The following EPHA6 variants were observed in gnomAD, a reference collection of about 807,000 sequenced individuals.
EPHA6 encodes ephrin type-A receptor 6.
In EPHA6, 50 loss-of-function variants were observed where a neutral mutation model predicts 112.0. The ratio of observed to expected loss-of-function variants is 0.45; its 90% CI spans 0.36 to 0.56. The LOEUF (loss-of-function observed/expected upper bound fraction) is 0.56, where lower values mean the gene tolerates loss of function less well. Among genes scored for constraint, EPHA6 ranks in the 20% least tolerant of loss-of-function variants. The pLI is 0.00. For missense variants in EPHA6, 1,280 were observed against 1,417.4 expected (o/e 0.90, Z 1.56); for synonymous variants, 529 against 490.7 (o/e 1.08, Z -1.03).
chr3:97,269,913 G>A (rs2079824972), intron 5 of EPHA6, among the ~76,000 whole-genome samples: 1 of 152,110 alleles, frequency 6.6e-6, no homozygotes, highest in African/African-American at 2.4e-5. Flanking sequence ...TAAACTGTGG[G>A]TGTTAATTCA....
At chr3:97,083,185 C>T (rs1474533619) in intron 3 of EPHA6, among the ~76,000 whole-genome samples, 1 of 151,912 alleles carries the variant, frequency 6.6e-6, no homozygotes, top group Non-Finnish European at 1.5e-5. Context: ...ATTCACTTTT[C>T]CTGCCCCTGC....
At chr3:97,602,876 G>C (rs1434103919) in intron 12 of EPHA6, among the ~76,000 whole-genome samples, 1 of 151,814 alleles carries the variant, frequency 6.6e-6, no homozygotes, top group East Asian at 1.9e-4. Context: ...TTTGAACTTC[G>C]ACATTATATA....
intron 3 of EPHA6, among the ~76,000 whole-genome samples, chr3:96,996,596 G>A (rs894631296): frequency 2.6e-5 from 4 of 152,064 alleles, no homozygotes; most frequent in African/African-American, 9.7e-5. Flanking sequence ...GAGCTTTTAG[G>A]TGACCAGGTG....
At chr3:97,292,741 C>T in intron 5 of EPHA6, among the ~76,000 whole-genome samples, 1 of 151,752 alleles carries the variant, frequency 6.6e-6, no homozygotes, top group South Asian at 2.1e-4. Context: ...GGCAGGTCAT[C>T]TGGGTGAGCA....
intron 14 of EPHA6, among the ~76,000 whole-genome samples, chr3:97,675,976 G>A (rs1220179845): frequency 6.6e-6 from 1 of 152,112 alleles, no homozygotes; most frequent in Non-Finnish European, 1.5e-5. Flanking sequence ...AAATTCCAAG[G>A]CTTCCTGGGC....
chr3:97,332,113 C>A (rs983652114), intron 5 of EPHA6, among the ~76,000 whole-genome samples: 2 of 152,142 alleles, frequency 1.3e-5, no homozygotes, highest in African/African-American at 2.4e-5. Context: ...ATACACAAAT[C>A]AATAAACGTA....
At chr3:96,867,826 T>C (rs1312206272) in intron 2 of EPHA6, among the ~76,000 whole-genome samples, 1 of 151,930 alleles carries the variant, frequency 6.6e-6, no homozygotes, top group Non-Finnish European at 1.5e-5. Context: ...ATTTGACATT[T>C]TACAACAACA....
chr3:97,709,965 C>A (rs1259321903), intron 14 of EPHA6, among the ~76,000 whole-genome samples: 4 of 152,152 alleles, frequency 2.6e-5, no homozygotes, highest in Non-Finnish European at 4.4e-5. Flanking sequence ...TTATAAATTA[C>A]CCAGTCTGAA....
At chr3:97,155,654 C>T (rs993008369) in intron 3 of EPHA6, among the ~76,000 whole-genome samples, 1 of 152,112 alleles carries the variant, frequency 6.6e-6, no homozygotes, top group Non-Finnish European at 1.5e-5. Flanking sequence ...TGGGGAGAAT[C>T]TGCTTCCAAG....
At chr3:97,595,594 G>C (rs1050724115) in intron 12 of EPHA6, among the ~76,000 whole-genome samples, 1 of 151,906 alleles carries the variant, frequency 6.6e-6, no homozygotes. Flanking sequence ...GCAGTGAGCC[G>C]AGATGGTGCC....
intron 6 of EPHA6, among the ~76,000 whole-genome samples, chr3:97,412,173 T>C (rs1040699229): frequency 3.9e-5 from 6 of 152,088 alleles, no homozygotes; most frequent in African/African-American, 1.4e-4. Context: ...TATGTTCTGG[T>C]TACAAGAAAA....
chr3:97,143,462 T>G (rs75608204), intron 3 of EPHA6, among the ~76,000 whole-genome samples: 7,694 of 151,894 alleles, frequency 0.051, 670 homozygotes, highest in African/African-American at 0.18. Context: ...TGGTTATAGA[T>G]TGTACCATAT....
chr3:97,329,756 A>G lies in EPHA6; in HGVS notation c.1607-75394A>G, dbSNP rs576775185. On this transcript the variant is annotated intron_variant, in intron 5 of 17. Transcript: ENST00000389672. ...GGGTAGATTGCAAAAATTTTCTCCC[A>G]TTCTGTAGGTTGCCTGTTCACTCTG... 3.0e-4 allele frequency among the ~76,000 whole-genome samples: 45 copies of G among 152,124 alleles called. No homozygotes were observed. In the South Asian group the frequency reaches 9.4e-3, roughly 32 times the overall value.
chr3:97,623,051 G>A (rs531188868), intron 13 of EPHA6, among the ~76,000 whole-genome samples: 46 of 151,662 alleles, frequency 3.0e-4, no homozygotes, highest in South Asian at 2.3e-3. Flanking sequence ...CATTCTGTGC[G>A]TTGCCTTTCT....
At chr3:97,676,869 TGAA>T (rs2031437051) in intron 14 of EPHA6, among the ~76,000 whole-genome samples, 1 of 152,112 alleles carries the variant, frequency 6.6e-6, no homozygotes, top group African/African-American at 2.4e-5. Context: ...AAATCGAGGA[TGAA>T]GAAGGAGAGG....
chr3:96,980,497 C>G (rs1306531028), intron 2 of EPHA6, among the ~76,000 whole-genome samples: 6 of 152,186 alleles, frequency 3.9e-5, no homozygotes, highest in African/African-American at 4.8e-5. Context: ...ATGCCTCCAG[C>G]TTTGTTCTTT....
intron 3 of EPHA6, among the ~76,000 whole-genome samples, chr3:97,007,994 C>T (rs578056413): frequency 1.3e-5 from 2 of 152,250 alleles, no homozygotes; most frequent in South Asian, 2.1e-4. Flanking sequence ...GATGGGCTTC[C>T]CTTTGTAGGT....
intron 10 of EPHA6, among the ~76,000 whole-genome samples, chr3:97,523,405 T>C (rs1458629426): frequency 6.6e-6 from 1 of 152,130 alleles, no homozygotes; most frequent in African/African-American, 2.4e-5. Context: ...TGATATTATT[T>C]CAGCTTTCTT....
chr3:97,319,657 G>T (rs1306007156), intron 5 of EPHA6, among the ~76,000 whole-genome samples: 1 of 135,110 alleles, frequency 7.4e-6, no homozygotes, highest in Non-Finnish European at 1.5e-5. Context: ...GCGACAGAGC[G>T]AGATTGTCTC....
Sources: gnomAD v4.1 joint callset for allele counts (sites outside exome capture counted in the v4.1 genomes callset) on GRCh38, gnomAD v4.1.1 for gene constraint, MANE v1.5 for transcripts, NCBI Gene and HGNC (gene_info 2026-07-23, HGNC 2026-07-21) for gene names.